TEKT5: variants seen among roughly 807,000 people sequenced by gnomAD.
TEKT5 encodes tektin-5.
TEKT5 carries 52 observed loss-of-function variants against 48.7 expected under a neutral mutation model. The observed-to-expected ratio is 1.07, with a 90% CI of 0.86 to 1.35. TEKT5 has a LOEUF of 1.35. TEKT5 is among the 40% of genes most tolerant of loss of function. The pLI, the probability that TEKT5 is intolerant of heterozygous loss-of-function variation, is 0.00. For missense variants in TEKT5, 831 were observed against 641.6 expected (o/e 1.30, Z -3.19); for synonymous variants, 318 against 267.6 (o/e 1.19, Z -1.84).
chr16:10,648,164 C>G (rs1898099665), intron 5 of TEKT5, among the ~76,000 whole-genome samples: 1 of 152,178 alleles, frequency 6.6e-6, no homozygotes, highest in Non-Finnish European at 1.5e-5. Context: ...CCTGTGTAAG[C>G]AGAGGAACAA....
chr16:10,693,222 A>T (rs891344742), intron 1 of TEKT5, among the ~76,000 whole-genome samples: 1 of 152,148 alleles, frequency 6.6e-6, no homozygotes, highest in African/African-American at 2.4e-5. Context: ...CAGCCTCCCA[A>T]GTAGCTGGGA....
chr16:10,628,905 CAAAAAA>C (rs201157132), intron 6 of TEKT5, among the ~76,000 whole-genome samples: 2 of 79,332 alleles, frequency 2.5e-5, no homozygotes, highest in African/African-American at 8.2e-5. Context: ...AACTCTGTCT[CAAAAAA>C]AAAAAAAAAA....
intron 1 of TEKT5, among the ~76,000 whole-genome samples, chr16:10,693,938 C>T (rs1267961962): frequency 2.0e-5 from 3 of 152,150 alleles, no homozygotes; most frequent in Admixed American, 6.6e-5. Context: ...CCACTGCACT[C>T]CAGCTTGGGT....
chr16:10,643,559 A>G (rs1474370407), intron 5 of TEKT5, among the ~76,000 whole-genome samples: 2 of 152,216 alleles, frequency 1.3e-5, no homozygotes, highest in African/African-American at 4.8e-5. Flanking sequence ...AAGCCCTTGA[A>G]TGTGGCTAGT....
At chr16:10,681,585 T>A (rs558735583) in intron 4 of TEKT5, among the ~76,000 whole-genome samples, 1 of 149,080 alleles carries the variant, frequency 6.7e-6, no homozygotes, top group South Asian at 2.2e-4. Flanking sequence ...AGGTTGTCAC[T>A]TGTTTCGGAA....
intron 5 of TEKT5, among the ~76,000 whole-genome samples, chr16:10,666,978 C>CTTT (rs201657619): frequency 0.049 from 6,132 of 124,100 alleles, 406 homozygotes; most frequent in Non-Finnish European, 0.073. Context: ...TGGCTCCTTA[C>CTTT]TTTTTTTTTT....
chr16:10,644,524 C>T (rs142692916), intron 5 of TEKT5, among the ~76,000 whole-genome samples: 2 of 152,296 alleles, frequency 1.3e-5, no homozygotes, highest in Non-Finnish European at 2.9e-5. Flanking sequence ...TCCCTGTCTA[C>T]TCTATTCAAA....
At chr16:10,661,563 A>C (rs896137998) in intron 5 of TEKT5, among the ~76,000 whole-genome samples, 3 of 152,248 alleles carry the variant, frequency 2.0e-5, no homozygotes, top group African/African-American at 7.2e-5. Context: ...GACAATCTGG[A>C]CAAGCTGAGA....
intron 5 of TEKT5, among the ~76,000 whole-genome samples, chr16:10,665,488 G>A (rs1305696586): frequency 1.3e-5 from 2 of 152,138 alleles, no homozygotes; most frequent in Non-Finnish European, 2.9e-5. Context: ...TCCCGTGTTC[G>A]TTCTCTCCAT....
chr16:10,652,001 G>C (rs955490586), intron 5 of TEKT5, among the ~76,000 whole-genome samples: 25 of 152,106 alleles, frequency 1.6e-4, no homozygotes, highest in Non-Finnish European at 2.9e-4. Flanking sequence ...ATTGGCACCA[G>C]ACTATCTAAA....
chr16:10,646,157 A>T (rs759355513), intron 5 of TEKT5, among the ~76,000 whole-genome samples: 92 of 152,118 alleles, frequency 6.0e-4, no homozygotes, highest in Non-Finnish European at 7.2e-4. Context: ...AAATTTGTTG[A>T]TCTGACATTC....
At chr16:10,652,390 G>C (rs1898172421) in intron 5 of TEKT5, among the ~76,000 whole-genome samples, 1 of 146,642 alleles carries the variant, frequency 6.8e-6, no homozygotes, top group Admixed American at 7.0e-5. Flanking sequence ...TATATACTCA[G>C]GCAAAAACAC....
intron 5 of TEKT5, among the ~76,000 whole-genome samples, chr16:10,645,766 C>T (rs1335642807): frequency 6.6e-6 from 1 of 152,148 alleles, no homozygotes; most frequent in African/African-American, 2.4e-5. Flanking sequence ...CACACCATTG[C>T]ACTGGACTGC....
At chr16:10,689,799 C>G (rs531202556) in intron 2 of TEKT5, 143 bp downstream of exon 2, 3 of 743,920 alleles carry the variant, frequency 4.0e-6, no homozygotes, top group African/African-American at 1.8e-5. Context: ...CAAACTAGAC[C>G]TCCACCCATG....
chr16:10,638,332 A>T lies in TEKT5; in HGVS notation c.1087-2414T>A, dbSNP rs559899066. 1.8e-3 allele frequency among the ~76,000 whole-genome samples: 281 copies of T among 152,172 alleles called. 1 individual carries two copies. Among genetic ancestry groups the T allele is most frequent in the African/African-American group, 6.5e-3 (271 of 41,490 alleles). On this transcript the variant is annotated intron_variant, in intron 5 of 6. Coordinates refer to ENST00000283025, the MANE Select transcript of TEKT5 (RefSeq NM_144674.2). ...GACTGAAACATCCACTCTCTACCCT[A>T]TTGTCACCCAGTGGCCCTTGACCTG...
chr16:10,636,039 C>A (rs1225359895), intron 5 of TEKT5, 121 bp from the exon 6 acceptor site: 14 of 1,453,674 alleles, frequency 9.6e-6, no homozygotes, highest in African/African-American at 4.2e-5. Context: ...ATACTCCTTC[C>A]CCGGCCTTGA....
intron 5 of TEKT5, among the ~76,000 whole-genome samples, chr16:10,653,573 C>T (rs555210132): frequency 8.6e-5 from 13 of 151,020 alleles, no homozygotes; most frequent in African/African-American, 2.7e-4. Flanking sequence ...AGCTGCCAGA[C>T]ACTGTGTAGG....
At chr16:10,642,372 T>C (rs1898007341) in intron 5 of TEKT5, among the ~76,000 whole-genome samples, 3 of 152,136 alleles carry the variant, frequency 2.0e-5, no homozygotes, top group Admixed American at 2.0e-4. Flanking sequence ...CCAGGTACTA[T>C]TCAACTAGGG....
chr16:10,683,643 T>G (rs1224739038), intron 3 of TEKT5, among the ~76,000 whole-genome samples: 1 of 152,226 alleles, frequency 6.6e-6, no homozygotes, highest in Non-Finnish European at 1.5e-5. Flanking sequence ...TAGGCTGGAG[T>G]GCAGTGGCAC....
Sources: gnomAD v4.1 joint callset for allele counts (sites outside exome capture counted in the v4.1 genomes callset) on GRCh38, gnomAD v4.1.1 for gene constraint, MANE v1.5 for transcripts, NCBI Gene and HGNC (gene_info 2026-07-23, HGNC 2026-07-21) for gene names.